The following HK1 variants were observed in gnomAD, a reference collection of about 807,000 sequenced individuals.
HK1 encodes the protein hexokinase 1.
A neutral mutation model predicts 91.6 loss-of-function variants in HK1; 28 were observed. The ratio of observed to expected loss-of-function variants is 0.31; its 90% CI spans 0.23 to 0.42. The LOEUF is 0.42. HK1 is among the 10% of genes least tolerant of loss of function. The probability of loss-of-function intolerance (pLI) is 1.00; values close to 1 mark genes in which losing one functional copy is unlikely to be tolerated. For missense variants in HK1, 770 were observed against 1,219.8 expected, an observed-to-expected ratio of 0.63 and a Z score of 5.49; for synonymous variants, 430 against 468.1, an observed-to-expected ratio of 0.92 and a Z score of 1.05.
chr10:69,333,825 G>T (rs149834276), intron 1 of HK1, among the ~76,000 whole-genome samples: 5 of 152,100 alleles, frequency 3.3e-5, no homozygotes, highest in African/African-American at 4.8e-5. Context: ...CAAGAATGGG[G>T]ATCCTGGCTG....
exon 5 of HK1, chr10:69,300,817 C>T (rs1845824255): frequency 6.2e-7 from 1 of 1,611,180 alleles, no homozygotes; most frequent in Non-Finnish European, 8.5e-7. Context: ...ATGTGCACCA[C>T]TGTGGTGGCG....
intron 7 of HK1, among the ~76,000 whole-genome samples, chr10:69,370,144 A>C (rs1457271524): frequency 6.6e-6 from 1 of 152,198 alleles, no homozygotes; most frequent in African/African-American, 2.4e-5. Flanking sequence ...TCTTTGTTTA[A>C]TTACACTATG....
chr10:69,364,142 A>C (rs1849575228), intron 3 of HK1, among the ~76,000 whole-genome samples: 1 of 152,212 alleles, frequency 6.6e-6, no homozygotes, highest in Non-Finnish European at 1.5e-5. Context: ...CTGCAGGGGC[A>C]GAAGGGGGCA....
chr10:69,349,779 C>G (rs1237607281), intron 2 of HK1, among the ~76,000 whole-genome samples: 1 of 152,124 alleles, frequency 6.6e-6, no homozygotes, highest in Non-Finnish European at 1.5e-5. Context: ...TTATGGAGGG[C>G]AAGTGGGTAT....
At chr10:69,285,577 A>G (rs1844991206) in intron 2 of HK1, among the ~76,000 whole-genome samples, 1 of 152,186 alleles carries the variant, frequency 6.6e-6, no homozygotes, top group South Asian at 2.1e-4. Context: ...CAAAGCATCA[A>G]ATTTGAAGCT....
intron 16 of HK1, 113 bp from the exon 17 acceptor site, chr10:69,398,482 C>CT (rs1840239099): frequency 3.8e-6 from 3 of 788,116 alleles, no homozygotes. Flanking sequence ...GCCCTTGACT[C>CT]TGTCTGTGGA....
intron 2 of HK1, among the ~76,000 whole-genome samples, chr10:69,348,808 A>C (rs1848699602): frequency 1.4e-5 from 2 of 141,890 alleles, no homozygotes; most frequent in South Asian, 4.6e-4. Flanking sequence ...TCTGTCTCAA[A>C]AAAAAAAAAA....
Position 69,368,588 on chromosome 10 carries a change from C to G in HK1, c.548C>G (p.Ala183Gly). The change falls in exon 5 of 18, where the codon GCA becomes GGA. Residue 183 changes from alanine to glycine, a missense_variant. Coordinates refer to ENST00000359426, the MANE Select transcript of HK1 (RefSeq NM_000188.3). ...KRFKASGVEG[A>G]DVVKLLNKAI... is the part of the protein sequence containing the mutation. ...TTTAAAGCGAGCGGAGTGGAAGGAG[C>G]AGATGTGGTCAAACTGCTTAACAAA... 1 of 1,614,186 alleles carries G rather than the reference C, an allele frequency of 6.2e-7. No individual in the cohort carries two copies. Among genetic ancestry groups the G allele is most frequent in the East Asian group, 2.2e-5 (1 of 44,894 alleles).
Position 69,401,297 on chromosome 10 carries a change from A to C in HK1, c.*162A>C, listed in dbSNP as rs1840379901. ...AATGGTATATATTGTAGGGTACAGA[A>C]TAGAGCGTGTGCTGTTGATAATATC... On this transcript the variant is annotated 3_prime_UTR_variant, in exon 18 of 18. Coordinates refer to ENST00000359426, the MANE Select transcript of HK1 (RefSeq NM_000188.3). The C allele has an allele frequency of 2.7e-6, 2 of 744,446 alleles. No homozygotes were observed. Among genetic ancestry groups the C allele is most frequent in the Admixed American group, 2.4e-5 (1 of 42,450 alleles). 46.1% of individuals were successfully genotyped at this position (744,446 alleles called of 1,614,324 possible). A position where few individuals can be genotyped will look rare whatever the true frequency, so the allele number is the denominator to read the frequency against.
intron 2 of HK1, among the ~76,000 whole-genome samples, chr10:69,346,767 A>C (rs1481970990): frequency 6.6e-6 from 1 of 152,006 alleles, no homozygotes; most frequent in African/African-American, 2.4e-5. Flanking sequence ...ATCATTTTTG[A>C]GGTAGTGGAT....
intron 5 of HK1, among the ~76,000 whole-genome samples, chr10:69,307,022 A>C (rs1228497741): frequency 6.6e-6 from 1 of 152,192 alleles, no homozygotes; most frequent in Non-Finnish European, 1.5e-5. Flanking sequence ...AGGGGAATTG[A>C]GAAGAGTAAG....
intron 16 of HK1, 64 bp downstream of exon 16, chr10:69,395,169 T>C: frequency 6.5e-7 from 1 of 1,547,422 alleles, no homozygotes; most frequent in Admixed American, 1.8e-5. Flanking sequence ...TGGTGGATTG[T>C]GATGGGGGTG....
At chr10:69,358,519 G>A (rs1031612861) in intron 2 of HK1, among the ~76,000 whole-genome samples, 2 of 152,156 alleles carry the variant, frequency 1.3e-5, no homozygotes, top group African/African-American at 2.4e-5. Flanking sequence ...ACAGATGAAA[G>A]GATAAACAAA....
intron 4 of HK1, among the ~76,000 whole-genome samples, chr10:69,365,423 T>C (rs1849650877): frequency 6.6e-6 from 1 of 152,230 alleles, no homozygotes; most frequent in Admixed American, 6.5e-5. Context: ...GTTTTTTCAT[T>C]CGTTCATTCA....
In HK1 at chr10:69,369,180, G is replaced by A. The variant is rs1849865282; in HGVS notation, c.592-57G>A. ...CACTTCTGCCAAGCGCTGTTAAGGT[G>A]TGTGATCTCTGCTCCCATGTGTGAG... is the stretch of plus-strand genomic sequence containing the variant. On this transcript the variant is annotated intron_variant, in intron 5 of 17. Coordinates refer to ENST00000359426, the MANE Select transcript of HK1 (RefSeq NM_000188.3). This position sits in a 1 kb window ranked among gnomAD's most constrained non-coding sequence, Gnocchi z 4.4. 6 of 1,305,600 alleles carry A rather than the reference G, an allele frequency of 4.6e-6. No homozygotes were observed. In the South Asian group the frequency reaches 7.1e-5, roughly 15 times the overall value. The allele number at this position is 1,305,600 out of a possible 1,614,324, so 80.9% of individuals were successfully genotyped here.
In HK1 at chr10:69,380,051, G is replaced by C. The variant is rs762058937; in HGVS notation, c.1221G>C (p.Arg407=). ...LRDNKGTPRL[R]TTVGVDGSLY... is the part of the protein sequence containing the mutation. ...ATAACAAGGGCACACCCAGGCTGCG[G>C]ACCACGGTTGGTGTCGACGGATCTC... The change falls in exon 9 of 18, where the codon CGG becomes CGC. Residue 407 remains arginine, a synonymous_variant. Transcript: ENST00000359426. The surrounding 1 kb of genome is among the most constrained non-coding windows in gnomAD (Gnocchi z 4.0). The C allele has an allele frequency of 1.9e-6, 3 of 1,614,126 alleles. No individual in the cohort carries two copies. The South Asian group carries it at 3.3e-5, about 18-fold the overall frequency.
chr10:69,282,962 C>CA (rs35376303), intron 2 of HK1, among the ~76,000 whole-genome samples: 3,281 of 138,574 alleles, frequency 0.024, 88 homozygotes, highest in African/African-American at 0.065. Context: ...ACTAAAAATA[C>CA]AAAAAAAAAA....
upstream of HK1, among the ~76,000 whole-genome samples, chr10:69,316,474 G>A (rs1846648382): frequency 6.6e-6 from 1 of 152,250 alleles, no homozygotes; most frequent in African/African-American, 2.4e-5. Context: ...CAATAGGTCA[G>A]GCCTAGAGAC....
intron 2 of HK1, 120 bp downstream of exon 2, chr10:69,344,109 TCCCA>T (rs1589515348): frequency 1.0e-6 from 1 of 995,126 alleles, no homozygotes; most frequent in East Asian, 2.5e-5. Flanking sequence ...CAATCTGCTC[TCCCA>T]TCCATCCATC....
Sources: gnomAD v4.1 joint callset for allele counts (sites outside exome capture counted in the v4.1 genomes callset) on GRCh38, gnomAD v4.1.1 for gene constraint, Gnocchi (gnomAD v3.1) non-coding constraint, MANE v1.5 for transcripts, NCBI Gene and HGNC (gene_info 2026-07-23, HGNC 2026-07-21) for gene names.